Variants in PDZRN4 observed in about 807,000 individuals in gnomAD.
PDZRN4 encodes PDZ domain containing ring finger 4.
PDZRN4 carries 70 observed loss-of-function variants against 99.0 expected under a neutral mutation model. That is an observed-to-expected ratio of 0.71 (90% confidence interval 0.58 to 0.86). The LOEUF (loss-of-function observed/expected upper bound fraction) is 0.86, where lower values mean the gene tolerates loss of function less well. PDZRN4 is among the 40% of genes least tolerant of loss of function. PDZRN4 has a pLI of 0.00. For synonymous variants in PDZRN4, 551 were observed against 501.6 expected (o/e 1.10, Z -1.32); for missense variants, 1,474 against 1,331.2 (o/e 1.11, Z -1.67).
intron 5 of PDZRN4, among the ~76,000 whole-genome samples, chr12:41,521,250 T>C (rs1411298716): frequency 6.6e-6 from 1 of 152,140 alleles, no homozygotes; most frequent in Non-Finnish European, 1.5e-5. Flanking sequence ...TCTGATACTT[T>C]TTCTTCATTC....
intron 3 of PDZRN4, among the ~76,000 whole-genome samples, chr12:41,322,487 C>CTTTCTT (rs1951685719): frequency 1.1e-5 from 1 of 91,210 alleles, no homozygotes; most frequent in African/African-American, 4.6e-5. Context: ...ATTTTCTTTC[C>CTTTCTT]TTTTTTTTTT....
chr12:41,461,524 C>A (rs1417792328), intron 3 of PDZRN4, among the ~76,000 whole-genome samples: 1 of 152,146 alleles, frequency 6.6e-6, no homozygotes, highest in Admixed American at 6.5e-5. Flanking sequence ...GAGTAACAGA[C>A]AAGGCTCCCA....
At chr12:41,236,582 G>A (rs1187031643) in intron 3 of PDZRN4, among the ~76,000 whole-genome samples, 2 of 152,100 alleles carry the variant, frequency 1.3e-5, no homozygotes, top group African/African-American at 2.4e-5. Context: ...CAGTTAGGAG[G>A]CCTTTTCAAT....
chr12:41,247,984 C>T (rs1591984045), intron 3 of PDZRN4, among the ~76,000 whole-genome samples: 1 of 152,200 alleles, frequency 6.6e-6, no homozygotes, highest in Non-Finnish European at 1.5e-5. Context: ...AGTTATTGGA[C>T]TGTTGTTTTA....
intron 3 of PDZRN4, among the ~76,000 whole-genome samples, chr12:41,254,924 A>C (rs1223674011): frequency 6.6e-6 from 1 of 152,164 alleles, no homozygotes; most frequent in Non-Finnish European, 1.5e-5. Flanking sequence ...AGTATCTACA[A>C]AAAATAAAAA....
Position 41,498,631 on chromosome 12 carries a change from G to A in PDZRN4, c.844-7825G>A, listed in dbSNP as rs11180965. On this transcript the variant is annotated intron_variant, in intron 3 of 9. Transcript: ENST00000402685. ...TTTTATAAACTAATCACCTCTGAAC[G>A]TTTTCATATCTCAACACTGTTGCAT... 6.3e-3 allele frequency among the ~76,000 whole-genome samples: 957 copies of A among 152,124 alleles called. 40 individuals carry two copies. The East Asian group carries it at 0.12, about 20-fold the overall frequency.
intron 5 of PDZRN4, among the ~76,000 whole-genome samples, chr12:41,524,423 G>T (rs151134982): frequency 2.0e-5 from 3 of 152,272 alleles, no homozygotes; most frequent in African/African-American, 7.2e-5. Flanking sequence ...GCAGAGAAAA[G>T]GTCAAGAACT....
At chr12:41,306,869 ACTC>A (rs1951574045) in intron 3 of PDZRN4, among the ~76,000 whole-genome samples, 2 of 151,778 alleles carry the variant, frequency 1.3e-5, no homozygotes, top group South Asian at 4.2e-4. Context: ...CCACTAAGAT[ACTC>A]CTCATTTCCA....
intron 3 of PDZRN4, among the ~76,000 whole-genome samples, chr12:41,405,289 C>G (rs1952337854): frequency 6.6e-6 from 1 of 152,002 alleles, no homozygotes; most frequent in South Asian, 2.1e-4. Context: ...GGGCAAAGGA[C>G]ATGAACAGAC....
rs117991954 is a variant in PDZRN4, at chr12:41,573,911, C to A, written c.*21C>A. On this transcript the variant is annotated 3_prime_UTR_variant, in exon 10 of 10. Transcript: ENST00000402685. The stretch of plus-strand genomic sequence containing the variant: ...TATGACCGAATGAATGGAATGCATG[C>A]GACTGATTTTAGGAGGATGCTACCA... 4.0e-6 allele frequency: 6 copies of A among 1,490,352 alleles called. No homozygotes were observed. The highest frequency in any genetic ancestry group is 4.5e-5 in the East Asian group (2 of 43,986). 92.3% of individuals were successfully genotyped at this position (1,490,352 alleles called of 1,614,324 possible). A position where few individuals can be genotyped will look rare whatever the true frequency, so the allele number is the denominator to read the frequency against.
chr12:41,290,809 T>G (rs1951452468), intron 3 of PDZRN4, among the ~76,000 whole-genome samples: 1 of 152,148 alleles, frequency 6.6e-6, no homozygotes, highest in Non-Finnish European at 1.5e-5. Context: ...CTTTCCTGGG[T>G]CTGCCATGAA....
intron 3 of PDZRN4, among the ~76,000 whole-genome samples, chr12:41,489,292 T>C (rs1240042026): frequency 6.6e-6 from 1 of 151,922 alleles, no homozygotes. Context: ...ATCTAGTGGG[T>C]AAAGGCCAGG....
chr12:41,354,941 G>A (rs549051742), intron 3 of PDZRN4, among the ~76,000 whole-genome samples: 11 of 152,162 alleles, frequency 7.2e-5, no homozygotes, highest in Non-Finnish European at 1.5e-4. Flanking sequence ...CCATGTTACT[G>A]TAATGCAGTG....
intron 3 of PDZRN4, among the ~76,000 whole-genome samples, chr12:41,271,500 G>A (rs1951314191): frequency 6.6e-6 from 1 of 152,018 alleles, no homozygotes; most frequent in Non-Finnish European, 1.5e-5. Flanking sequence ...AGAATTTTTG[G>A]TCTAGTCTGT....
At chr12:41,435,571 G>A (rs1248359690) in intron 3 of PDZRN4, among the ~76,000 whole-genome samples, 1 of 152,074 alleles carries the variant, frequency 6.6e-6, no homozygotes, top group Non-Finnish European at 1.5e-5. Context: ...GGCAGATCAC[G>A]AGGTCAGGAG....
intron 3 of PDZRN4, among the ~76,000 whole-genome samples, chr12:41,351,331 A>T (rs1951888243): frequency 6.6e-6 from 1 of 152,102 alleles, no homozygotes; most frequent in African/African-American, 2.4e-5. Context: ...CTTCTTCTGT[A>T]AAGAGTTTGA....
intron 3 of PDZRN4, among the ~76,000 whole-genome samples, chr12:41,316,494 G>GTGTGTGTGTA (rs1555128763): frequency 6.9e-6 from 1 of 145,412 alleles, no homozygotes; most frequent in African/African-American, 2.6e-5. Context: ...GTGTGTGTGT[G>GTGTGTGTGTA]TATAAAATAA....
chr12:41,437,909 A>G, intron 3 of PDZRN4: 2 of 1,613,860 alleles, frequency 1.2e-6, no homozygotes, highest in Non-Finnish European at 1.7e-6. Context: ...GTTCTGGGGA[A>G]ATTAGAAGAT....
Position 41,506,440 on chromosome 12 carries a change from C to T in PDZRN4, c.844-16C>T, listed in dbSNP as rs1938206267. The stretch of plus-strand genomic sequence containing the variant: ...ATCTTTCCTCTGAGATGAACAATGT[C>T]CTTATATGTTTGTAGGTCAATGGGA... On this transcript the variant is annotated splice_polypyrimidine_tract_variant and intron_variant, in intron 3 of 9. Transcript: ENST00000402685. The T allele has an allele frequency of 3.1e-6, 5 of 1,598,700 alleles. No homozygotes were observed. In the Admixed American group the frequency reaches 6.8e-5, roughly 22 times the overall value.
Sources: gnomAD v4.1 joint callset for allele counts (sites outside exome capture counted in the v4.1 genomes callset) on GRCh38, gnomAD v4.1.1 for gene constraint, MANE v1.5 for transcripts, NCBI Gene and HGNC (gene_info 2026-07-23, HGNC 2026-07-21) for gene names.